The following SHROOM3 variants were observed in gnomAD, a reference collection of about 807,000 sequenced individuals.
The protein encoded by SHROOM3 is protein Shroom3.
SHROOM3 carries 47 observed loss-of-function variants against 138.6 expected under a neutral mutation model. The observed-to-expected ratio is 0.34, with a 90% CI of 0.27 to 0.43. The LOEUF (loss-of-function observed/expected upper bound fraction) is 0.43. Among genes scored for constraint, SHROOM3 ranks in the 20% least tolerant of loss-of-function variants. SHROOM3 has a pLI of 1.00. For missense variants in SHROOM3, 2,491 were observed against 2,596.5 expected (o/e 0.96, Z 0.88); for synonymous variants, 1,062 against 1,063.3 (o/e 1.00, Z 0.02).
intron 1 of SHROOM3, among the ~76,000 whole-genome samples, chr4:76,446,402 T>G (rs1257811101): frequency 6.9e-6 from 1 of 144,450 alleles, no homozygotes; most frequent in Non-Finnish European, 1.6e-5. Context: ...TAAGGTGCCC[T>G]GCTCGGTGAA....
intron 2 of SHROOM3, among the ~76,000 whole-genome samples, chr4:76,705,101 G>A (rs1229136123): frequency 1.3e-5 from 2 of 152,184 alleles, no homozygotes; most frequent in East Asian, 3.8e-4. Flanking sequence ...GAGCCCTAAG[G>A]AACTGAAAGA....
chr4:76,572,621 G>A (rs59173056), intron 2 of SHROOM3, among the ~76,000 whole-genome samples: 17,592 of 152,200 alleles, frequency 0.12, 1,151 homozygotes, highest in African/African-American at 0.18. Flanking sequence ...TATTGTGATC[G>A]TTCAAATGTA....
At position 76,741,769 on chromosome 4, in the gene SHROOM3, C is replaced by T. The variant is rs559057674; in HGVS notation, c.3596C>T (p.Thr1199Ile). The T allele has an allele frequency of 8.9e-6, 14 of 1,571,462 alleles. No individual in the cohort carries two copies. The highest frequency in any genetic ancestry group is 8.6e-6 in the Non-Finnish European group (10 of 1,158,870). The change falls in exon 5 of 11, where the codon ACC becomes ATC. Residue 1199 changes from threonine to isoleucine, a missense_variant. This residue lies in a region of SHROOM3 where 1,733 missense variants were observed against 1,661.6 expected (regional missense o/e 1.04). Transcript: ENST00000296043. This position sits in a 1 kb window ranked among gnomAD's most constrained non-coding sequence, Gnocchi z 6.2. The stretch of plus-strand genomic sequence containing the variant: ...GGAGCAAACGGTGGAACAAGGGGCA[C>T]CCAGAGAGGGGATGAGACCCCCAGG... ...LSGANGGTRG[T>I]QRGDETPREP...
chr4:76,669,580 C>T (rs1718816268), intron 2 of SHROOM3, among the ~76,000 whole-genome samples: 1 of 151,078 alleles, frequency 6.6e-6, no homozygotes, highest in South Asian at 2.1e-4. Flanking sequence ...GGCCACTGCA[C>T]TGCTACAGAG....
rs752095368 is a variant in SHROOM3 at position 76,770,924 on chromosome 4, A to G, written c.5622+26A>G. On this transcript the variant is annotated intron_variant, in intron 10 of 10. Transcript: ENST00000296043. ...GTAGGTGGCCTAGTGATGCAGTTCAACAAGTTCTCCCTCAAAGCCCACATA... is the reference window on the plus strand; with the variant it reads ...GTAGGTGGCCTAGTGATGCAGTTCAGCAAGTTCTCCCTCAAAGCCCACATA... The G allele has an allele frequency of 3.7e-6, 6 of 1,614,140 alleles. No homozygotes were observed. In the South Asian group the frequency reaches 6.6e-5, roughly 18 times the overall value.
rs574895379 is a variant in SHROOM3, at chr4:76,668,642, G to T, written c.324-41514G>T. On this transcript the variant is annotated intron_variant, in intron 2 of 10. Transcript: ENST00000296043. ...GGCATACATCACTTAGTAAACTAATGAAAGCGTATTGTGAATGATAGGGAT... is the reference window on the plus strand; with the variant it reads ...GGCATACATCACTTAGTAAACTAATTAAAGCGTATTGTGAATGATAGGGAT... 8.5e-5 allele frequency among the ~76,000 whole-genome samples: 13 copies of T among 152,228 alleles called. 1 individual carries two copies. The highest frequency in any genetic ancestry group is 3.1e-4 in the African/African-American group (13 of 41,550).
At chr4:76,477,517 A>G (rs1731512512) in intron 1 of SHROOM3, among the ~76,000 whole-genome samples, 1 of 151,986 alleles carries the variant, frequency 6.6e-6, no homozygotes, top group South Asian at 2.1e-4. Flanking sequence ...TAAATTTTGG[A>G]ATTATTCTCA....
At chr4:76,513,072 C>T (rs1386427429) in intron 1 of SHROOM3, among the ~76,000 whole-genome samples, 1 of 152,190 alleles carries the variant, frequency 6.6e-6, no homozygotes, top group Non-Finnish European at 1.5e-5. Context: ...CTTCCAGCTT[C>T]CACCTGAGAG....
intron 1 of SHROOM3, among the ~76,000 whole-genome samples, chr4:76,472,952 C>A (rs1470084668): frequency 7.9e-5 from 12 of 152,172 alleles, no homozygotes; most frequent in Non-Finnish European, 5.9e-5. Context: ...CGCGGCTTCC[C>A]AAAGTGTTGG....
In SHROOM3 at chr4:76,740,121, A is replaced by G. The variant is rs1362558739; in HGVS notation, c.1948A>G (p.Ser650Gly). Residue 650 changes from serine to glycine, a missense_variant, in exon 5 of 11, where the codon AGC (serine) becomes GGC (glycine). Around this residue, in one of 4 missense-constraint regions of SHROOM3, gnomAD observed 1,733 missense variants for 1,661.6 expected, o/e 1.04. Transcript: ENST00000296043. The surrounding 1 kb of genome is among the most constrained non-coding windows in gnomAD (Gnocchi z 4.0). ...GCTGGAGAGAGAAGGCCTAGGCCAG[A>G]GCCTGTCAGGCAACTTTGGCAAGAC... ...RRLEREGLGQ[S>G]LSGNFGKTKS... 6.2e-7 allele frequency: 1 copy of G among 1,613,846 alleles called. No homozygotes were observed. The highest frequency in any genetic ancestry group is 1.7e-5 in the Admixed American group (1 of 60,032).
intron 2 of SHROOM3, chr4:76,586,884 A>G (rs1238121893): frequency 6.6e-6 from 1 of 152,216 alleles, no homozygotes; most frequent in East Asian, 1.9e-4. Context: ...TTTAATTATA[A>G]CTTATTTTTA....
chr4:76,486,517 G>A (rs976040650), intron 1 of SHROOM3, among the ~76,000 whole-genome samples: 6 of 152,092 alleles, frequency 3.9e-5, no homozygotes, highest in African/African-American at 1.4e-4. Context: ...CCAATCCACT[G>A]GCACATCAAT....
intron 2 of SHROOM3, among the ~76,000 whole-genome samples, chr4:76,675,222 T>C (rs1457933361): frequency 6.6e-6 from 1 of 152,102 alleles, no homozygotes; most frequent in African/African-American, 2.4e-5. Context: ...AGATGCGTAT[T>C]AGCACCGGTG....
intron 1 of SHROOM3, among the ~76,000 whole-genome samples, chr4:76,467,432 C>T (rs1191460581): frequency 6.6e-6 from 1 of 152,088 alleles, no homozygotes; most frequent in African/African-American, 2.4e-5. Flanking sequence ...TGTGGTCCCT[C>T]TGGGATTCAA....
chr4:76,768,331 G>T (rs185029952), intron 9 of SHROOM3, among the ~76,000 whole-genome samples: 27 of 152,314 alleles, frequency 1.8e-4, no homozygotes, highest in African/African-American at 5.3e-4. Flanking sequence ...ACCCTGCCAG[G>T]CATTTTGCTG....
intron 2 of SHROOM3, among the ~76,000 whole-genome samples, chr4:76,676,255 CA>C (rs1270588437): frequency 6.6e-6 from 1 of 151,916 alleles, no homozygotes; most frequent in Non-Finnish European, 1.5e-5. Flanking sequence ...CAAAGGGGGA[CA>C]AGGAGGATAG....
intron 1 of SHROOM3, among the ~76,000 whole-genome samples, chr4:76,472,935 C>T (rs753216004): frequency 4.6e-5 from 7 of 152,090 alleles, no homozygotes; most frequent in Non-Finnish European, 8.8e-5. Context: ...CCTTGTGATC[C>T]GCCCACCGCG....
At position 76,524,337 on chromosome 4, in the gene SHROOM3, G is replaced by A. The variant is rs145059975; in HGVS notation, c.169-31272G>A. ...GCAGGGGACTGGAGAGAGGGGAGGCGTAGGCCTCAGATCTTCTCAGGACCT... is the reference window on the plus strand; with the variant it reads ...GCAGGGGACTGGAGAGAGGGGAGGCATAGGCCTCAGATCTTCTCAGGACCT... On this transcript the variant is annotated intron_variant, in intron 1 of 10. Coordinates refer to ENST00000296043, the MANE Select transcript of SHROOM3 (RefSeq NM_020859.4). Among the ~76,000 whole-genome samples, 18 of 152,282 alleles carry A rather than the reference G, an allele frequency of 1.2e-4. No individual in the cohort carries two copies. The South Asian group carries it at 1.2e-3, about 11-fold the overall frequency.
At chr4:76,511,185 A>AAAT (rs1309564500) in intron 1 of SHROOM3, among the ~76,000 whole-genome samples, 22 of 149,988 alleles carry the variant, frequency 1.5e-4, no homozygotes, top group Non-Finnish European at 4.5e-5. Flanking sequence ...TCCATCTCAA[A>AAAT]AATAATAATA....
Sources: allele counts gnomAD v4.1 joint callset (sites outside exome capture counted in the v4.1 genomes callset), GRCh38; gene constraint gnomAD v4.1.1; regional missense constraint gnomAD v4.1.1; non-coding constraint Gnocchi (gnomAD v3.1); transcripts MANE v1.5; gene names NCBI Gene and HGNC (gene_info 2026-07-23, HGNC 2026-07-21).